The following PACRG variants were observed in gnomAD, a reference collection of about 807,000 sequenced individuals.
The protein encoded by PACRG is parkin coregulated, also known as parkin coregulated gene protein.
PACRG carries 29 observed loss-of-function variants against 29.7 expected under a neutral mutation model. That is an observed-to-expected ratio of 0.98 (90% CI 0.73 to 1.33). The LOEUF (loss-of-function observed/expected upper bound fraction) is 1.33, where lower values mean the gene tolerates loss of function less well. PACRG is among the 40% of genes most tolerant of loss of function. The pLI is 0.00. For missense variants in PACRG, 279 were observed against 316.2 expected (o/e 0.88, Z 0.89); for synonymous variants, 116 against 118.7 (o/e 0.98, Z 0.15).
chr6:163,088,917 C>A (rs887590230), intron 3 of PACRG, among the ~76,000 whole-genome samples: 2 of 152,162 alleles, frequency 1.3e-5, no homozygotes, highest in Non-Finnish European at 2.9e-5. Flanking sequence ...TGTCAACCCA[C>A]ATGGGTTCCT....
chr6:162,755,245 G>A lies in PACRG; in HGVS notation c.156+26854G>A, dbSNP rs118132622. On this transcript the variant is annotated intron_variant, in intron 1 of 4. Coordinates refer to ENST00000366888, the MANE Select transcript of PACRG (RefSeq NM_001080379.2). ...TGTGTATCTTTGCAAAAACCTGTTA[G>A]TTTGGTTGTTTTTAAATTATCTTTT... Among the ~76,000 whole-genome samples the A allele has an allele frequency of 6.6e-5, 10 of 151,974 alleles. 1 individual carries two copies. The East Asian group carries it at 1.9e-3, about 29-fold the overall frequency.
chr6:163,215,843 G>A (rs1452934926), intron 4 of PACRG, among the ~76,000 whole-genome samples: 1 of 152,168 alleles, frequency 6.6e-6, no homozygotes, highest in Non-Finnish European at 1.5e-5. Flanking sequence ...CTTCAGAAAG[G>A]ACAAATAGAC....
At chr6:163,314,182 A>G (rs911644314) in intron 4 of PACRG, among the ~76,000 whole-genome samples, 4 of 152,284 alleles carry the variant, frequency 2.6e-5, no homozygotes, top group Admixed American at 2.6e-4. Context: ...CAAAACTAGC[A>G]GTGGCACAAA....
intron 4 of PACRG, among the ~76,000 whole-genome samples, chr6:163,261,573 TC>T (rs1783326771): frequency 6.6e-6 from 1 of 152,184 alleles, no homozygotes; most frequent in Non-Finnish European, 1.5e-5. Context: ...GCTCCTTGAC[TC>T]AGTGCTTATG....
In PACRG at chr6:162,892,711, C is replaced by T. The variant is rs546580285; in HGVS notation, c.291+78430C>T. ...GGTTCACACAGGCCAAAATGGTGGC[C>T]GTGACAGGCCTCTGTAGACTTTATT... On this transcript the variant is annotated intron_variant, in intron 2 of 4. Coordinates refer to ENST00000366888, the MANE Select transcript of PACRG (RefSeq NM_001080379.2). Among the ~76,000 whole-genome samples, 127 of 152,258 alleles carry T rather than the reference C, an allele frequency of 8.3e-4. 1 individual carries two copies. Among genetic ancestry groups the T allele is most frequent in the African/African-American group, 3.0e-3 (125 of 41,538 alleles).
chr6:163,251,947 G>A (rs752282018), intron 4 of PACRG, among the ~76,000 whole-genome samples: 7 of 152,162 alleles, frequency 4.6e-5, no homozygotes, highest in Non-Finnish European at 8.8e-5. Flanking sequence ...AACTCTGACT[G>A]TTACATGGTT....
chr6:163,297,102 C>T (rs951431346), intron 4 of PACRG, among the ~76,000 whole-genome samples: 1 of 152,194 alleles, frequency 6.6e-6, no homozygotes, highest in Non-Finnish European at 1.5e-5. Flanking sequence ...CAAACCTGCT[C>T]TCAATGTAAT....
At position 163,133,539 on chromosome 6, in the gene PACRG, C is replaced by G. The variant is rs1011227779; in HGVS notation, c.613+44131C>G. Among the ~76,000 whole-genome samples the G allele has an allele frequency of 3.3e-5, 5 of 152,122 alleles. No individual in the cohort carries two copies. The South Asian group carries it at 6.2e-4, about 19-fold the overall frequency. The stretch of plus-strand genomic sequence containing the variant: ...ACACCCCTAGAGAGGAGCCTATTAC[C>G]CAACTTCATTTTCCAGCTTCATTCT... On this transcript the variant is annotated intron_variant, in intron 4 of 4. Transcript: ENST00000366888.
At chr6:162,737,186 T>G (rs1780229109) in intron 1 of PACRG, among the ~76,000 whole-genome samples, 1 of 152,150 alleles carries the variant, frequency 6.6e-6, no homozygotes, top group African/African-American at 2.4e-5. Context: ...GCTTTTGACT[T>G]CCCGGACCTT....
chr6:162,768,500 C>T (rs1782972040), intron 1 of PACRG, among the ~76,000 whole-genome samples: 2 of 152,034 alleles, frequency 1.3e-5, no homozygotes, highest in South Asian at 4.1e-4. Context: ...TGGAAAATCA[C>T]AGCCATTTTA....
intron 2 of PACRG, among the ~76,000 whole-genome samples, chr6:162,828,627 AG>A (rs1310794058): frequency 6.6e-6 from 1 of 152,224 alleles, no homozygotes; most frequent in African/African-American, 2.4e-5. Flanking sequence ...AAAATAAAGC[AG>A]GGTGAAAGAG....
At chr6:163,217,650 G>A (rs981559901) in intron 4 of PACRG, among the ~76,000 whole-genome samples, 1 of 152,112 alleles carries the variant, frequency 6.6e-6, no homozygotes, top group African/African-American at 2.4e-5. Flanking sequence ...CTCTATTTAG[G>A]GTTGCTCTCA....
chr6:162,759,815 A>C (rs539340940), intron 1 of PACRG, among the ~76,000 whole-genome samples: 1 of 152,340 alleles, frequency 6.6e-6, no homozygotes, highest in African/African-American at 2.4e-5. Context: ...TGTGTTTGAC[A>C]CACTGTTCTA....
intron 2 of PACRG, among the ~76,000 whole-genome samples, chr6:162,831,035 A>G (rs1367685084): frequency 6.6e-6 from 1 of 152,052 alleles, no homozygotes; most frequent in Non-Finnish European, 1.5e-5. Context: ...ATTAAAACCC[A>G]CCTCTTCTGT....
intron 4 of PACRG, among the ~76,000 whole-genome samples, chr6:163,231,179 G>A (rs983838847): frequency 1.3e-5 from 2 of 152,180 alleles, no homozygotes; most frequent in African/African-American, 4.8e-5. Context: ...GTGGCTTGCT[G>A]GCTGGGGTTT....
intron 4 of PACRG, among the ~76,000 whole-genome samples, chr6:163,156,985 G>A (rs1369314328): frequency 6.6e-6 from 1 of 152,166 alleles, no homozygotes; most frequent in African/African-American, 2.4e-5. Context: ...TGTGTGCAAA[G>A]TACCTTTTGT....
At chr6:163,210,020 A>G (rs1308203767) in intron 4 of PACRG, among the ~76,000 whole-genome samples, 1 of 152,192 alleles carries the variant, frequency 6.6e-6, no homozygotes, top group African/African-American at 2.4e-5. Context: ...TCAGTTCTCT[A>G]CCAAATGTCT....
intron 2 of PACRG, among the ~76,000 whole-genome samples, chr6:162,949,371 G>A (rs1348112972): frequency 1.3e-5 from 2 of 152,146 alleles, no homozygotes; most frequent in Non-Finnish European, 2.9e-5. Flanking sequence ...AGGTAGTTGG[G>A]CAGGAATGAA....
chr6:163,110,722 G>A (rs937760721), intron 4 of PACRG, among the ~76,000 whole-genome samples: 1 of 152,216 alleles, frequency 6.6e-6, no homozygotes, highest in African/African-American at 2.4e-5. Flanking sequence ...CACCGTGGCA[G>A]CACTTTGATG....
Sources: gnomAD v4.1 joint callset for allele counts (sites outside exome capture counted in the v4.1 genomes callset) on GRCh38, gnomAD v4.1.1 for gene constraint, MANE v1.5 for transcripts, NCBI Gene and HGNC (gene_info 2026-07-23, HGNC 2026-07-21) for gene names.